The following C6orf132 variants were observed in gnomAD, a reference collection of about 807,000 sequenced individuals.
The protein encoded by C6orf132 is uncharacterized protein C6orf132.
A neutral mutation model predicts 65.3 loss-of-function variants in C6orf132; 43 were observed. The ratio of observed to expected loss-of-function variants is 0.66; its 90% CI spans 0.52 to 0.85. The LOEUF (loss-of-function observed/expected upper bound fraction) is 0.85. Ranked by LOEUF, C6orf132 falls within the 40% of genes least tolerant of loss-of-function variation. C6orf132 has a pLI of 0.00. For synonymous variants in C6orf132, 631 were observed against 654.1 expected (o/e 0.96, Z 0.54); for missense variants, 1,488 against 1,548.8 (o/e 0.96, Z 0.66).
intron 1 of C6orf132, among the ~76,000 whole-genome samples, chr6:42,138,079 C>A (rs910260390): frequency 5.3e-5 from 8 of 152,204 alleles, no homozygotes; most frequent in Non-Finnish European, 4.4e-5. Context: ...AGAGCCCAGA[C>A]CCTAGCCCAG....
intron 2 of C6orf132, among the ~76,000 whole-genome samples, chr6:42,117,923 C>CAAAAAAAAAAAAAAAAA (rs556142891): frequency 1.8e-4 from 11 of 62,348 alleles, no homozygotes; most frequent in East Asian, 7.5e-4. Flanking sequence ...AACCCTGTCA[C>CAAAAAAAAAAAAAAAAA]AAAAAAAAAA....
Position 42,107,279 on chromosome 6 carries a change from AG to A in C6orf132, c.632del (p.Pro211LeufsTer14). 3 of 244,102 alleles carry A rather than the reference AG, an allele frequency of 1.2e-5. No homozygotes were observed. The highest frequency in any genetic ancestry group is 1.8e-5 in the Non-Finnish European group (3 of 162,536). The allele number at this position is 244,102 out of a possible 1,614,324, so 15.1% of individuals were successfully genotyped here. On this transcript the variant is annotated frameshift_variant, in exon 4 of 5. Coordinates refer to ENST00000341865, the MANE Select transcript of C6orf132 (RefSeq NM_001164446.3). LOFTEE classifies it high-confidence loss of function. Reference sequence around the variant, plus strand: ...GTGGGGCAGGGGGAATGAAGTCAGGAGGGGTGGGTATGGATGGGGAGGAAAG... The same window carrying A: ...GTGGGGCAGGGGGAATGAAGTCAGGAGGGTGGGTATGGATGGGGAGGAAAG... ...HTLSSPSIPT[P>X]PDFIPPAPPL... is the part of the protein sequence containing the mutation.
In C6orf132 at chr6:42,128,691, A is replaced by T. The variant is rs1239349916; in HGVS notation, c.233T>A (p.Leu78Gln). Residue 78 changes from leucine (L) to glutamine (Q), a missense_variant, in exon 2 of 5, where the codon CTG becomes CAG. Physicochemically the swap from Leu to Gln is moderately radical, Grantham distance 113. Coordinates refer to ENST00000341865, the MANE Select transcript of C6orf132 (RefSeq NM_001164446.3). ...TLKARPRVRPLLTFLPLNAQE... is the reference protein window; with the variant it reads ...TLKARPRVRPQLTFLPLNAQE... The stretch of plus-strand genomic sequence containing the variant: ...ACTCACCAGCGGAAGGAAGGTCAGC[A>T]GGGGCCGGACTCTTGGCCGAGCTTT... 1.3e-6 allele frequency: 2 copies of T among 1,551,402 alleles called. No homozygotes were observed.
intron 2 of C6orf132, among the ~76,000 whole-genome samples, chr6:42,125,511 C>T (rs973415613): frequency 6.6e-6 from 1 of 152,202 alleles, no homozygotes; most frequent in Non-Finnish European, 1.5e-5. Flanking sequence ...CCCGGTTAGC[C>T]AGCACCGAGG....
At chr6:42,134,774 CAAAA>C (rs34668328) in intron 1 of C6orf132, among the ~76,000 whole-genome samples, 1 of 83,602 alleles carries the variant, frequency 1.2e-5, no homozygotes, top group Non-Finnish European at 2.4e-5. Context: ...AACTCCATCT[CAAAA>C]AAAAAAAAAA....
Position 42,106,934 on chromosome 6 carries a change from C to G in C6orf132, c.978G>C (p.Lys326Asn), listed in dbSNP as rs1440314452. The change falls in exon 4 of 5, where the codon AAG becomes AAC. Residue 326 changes from lysine to asparagine, a missense_variant. Physicochemically the swap from Lys to Asn is moderately conservative, Grantham distance 94. Coordinates refer to ENST00000341865, the MANE Select transcript of C6orf132 (RefSeq NM_001164446.3). ...PVQEAQEAPR[K>N]EEGATKKAPS... ...GAGCCTTCTTGGTGGCCCCCTCTTC[C>G]TTTCGGGGAGCCTCTTGTGCTTCCT... The G allele has an allele frequency of 6.5e-7, 1 of 1,536,264 alleles. No individual in the cohort carries two copies. The highest frequency in any genetic ancestry group is 2.5e-5 in the East Asian group (1 of 40,806).
intron 3 of C6orf132, among the ~76,000 whole-genome samples, chr6:42,108,905 G>T (rs956385085): frequency 2.0e-5 from 3 of 152,136 alleles, no homozygotes; most frequent in African/African-American, 4.8e-5. Flanking sequence ...ACCAAGAGTG[G>T]GGAAGGGGAA....
At chr6:42,125,757 C>G (rs1766754390) in intron 2 of C6orf132, among the ~76,000 whole-genome samples, 1 of 152,252 alleles carries the variant, frequency 6.6e-6, no homozygotes, top group Non-Finnish European at 1.5e-5. Flanking sequence ...CAGCCCAGCC[C>G]ACTCCAGGGG....
chr6:42,107,540 A>G lies in C6orf132; in HGVS notation c.372T>C (p.Ser124=). The G allele has an allele frequency of 6.4e-7, 1 of 1,550,832 alleles. No homozygotes were observed. Among genetic ancestry groups the G allele is most frequent in the Non-Finnish European group, 8.7e-7 (1 of 1,146,744 alleles). The change falls in exon 4 of 5, where the codon TCT becomes TCC. Residue 124 remains serine, a synonymous_variant. Transcript: ENST00000341865. ...ATTGTCCAGGCCTCAGGTCACCCAC[A>G]GAGCTGTACAGTCGGAGGTTGCCAT... ...LVNGNLRLYS[S]VGDLRPGQYG...
chr6:42,125,780 TG>T (rs1261863025), intron 2 of C6orf132, among the ~76,000 whole-genome samples: 1 of 148,640 alleles, frequency 6.7e-6, no homozygotes, highest in Non-Finnish European at 1.5e-5. Flanking sequence ...CCAGAGCCTT[TG>T]GCCAGGTCTG....
chr6:42,138,803 A>T (rs1766990478), intron 1 of C6orf132, among the ~76,000 whole-genome samples: 1 of 151,024 alleles, frequency 6.6e-6, no homozygotes, highest in Non-Finnish European at 1.5e-5. Flanking sequence ...CCAGTCCTTT[A>T]TCTTGGGATT....
chr6:42,104,529 C>A lies in C6orf132; in HGVS notation c.3383G>T (p.Gly1128Val). ...CGCTTTGTGCTTGGCCTCCGCGGCG[C>A]CCCGGGCGGCGCCCTCCAGGGACAG... ...PRLSLEGAAR[G>V]AAEAKHKAPG... Residue 1128 changes from glycine (G) to valine (V), a missense_variant, in exon 4 of 5, where the codon GGC becomes GTC. Transcript: ENST00000341865. The surrounding 1 kb of genome is among the most constrained non-coding windows in gnomAD (Gnocchi z 4.1). 1.6e-6 allele frequency: 2 copies of A among 1,234,768 alleles called. No individual in the cohort carries two copies. Among genetic ancestry groups the A allele is most frequent in the Non-Finnish European group, 2.0e-6 (2 of 990,170 alleles). The allele number at this position is 1,234,768 out of a possible 1,614,324, so 76.5% of individuals were successfully genotyped here.
chr6:42,142,587 CAGGTG>C lies in C6orf132; in HGVS notation c.-148_-144del. 1 of 669,428 alleles carries C rather than the reference CAGGTG, an allele frequency of 1.5e-6. No individual in the cohort carries two copies. Among genetic ancestry groups the C allele is most frequent in the East Asian group, 4.2e-5 (1 of 23,822 alleles). 41.5% of individuals were successfully genotyped at this position (669,428 alleles called of 1,614,324 possible). ...TCCTCCCCGCCCGCGCACCGGGCAA[CAGGTG>C]CTGCGGGCGCCGCCGCTTGCCGGGA... On this transcript the variant is annotated 5_prime_UTR_variant, in exon 1 of 5. Transcript: ENST00000341865.
Position 42,122,320 on chromosome 6 carries a change from G to A in C6orf132, c.252+6352C>T, listed in dbSNP as rs530759395. ...GACATGCCCTCAGAGGGCGCACCAC[G>A]TCCCTGGAGACCCTGCCTAAATGGC... On this transcript the variant is annotated intron_variant, in intron 2 of 4. Coordinates refer to ENST00000341865, the MANE Select transcript of C6orf132 (RefSeq NM_001164446.3). Among the ~76,000 whole-genome samples, 10 of 152,304 alleles carry A rather than the reference G, an allele frequency of 6.6e-5. No homozygotes were observed. In the East Asian group the frequency reaches 7.7e-4, roughly 12 times the overall value.
At chr6:42,110,190 A>G (rs772081922) in intron 3 of C6orf132, 26 bp downstream of exon 3, 4 of 1,534,910 alleles carry the variant, frequency 2.6e-6, no homozygotes, top group Non-Finnish European at 3.5e-6. Context: ...AAAGATGGAC[A>G]AGCCCCAAGC....
chr6:42,115,475 C>T (rs1372304307), intron 2 of C6orf132, among the ~76,000 whole-genome samples: 1 of 149,926 alleles, frequency 6.7e-6, no homozygotes, highest in East Asian at 2.0e-4. Context: ...CGAAACCCCG[C>T]CTCTACTAAA....
At chr6:42,116,482 CA>C (rs1766581953) in intron 2 of C6orf132, among the ~76,000 whole-genome samples, 1 of 152,132 alleles carries the variant, frequency 6.6e-6, no homozygotes. Flanking sequence ...AGCCCTTCCT[CA>C]GTCCTCACCA....
chr6:42,113,504 C>G (rs1015748583), intron 2 of C6orf132, among the ~76,000 whole-genome samples: 7 of 152,202 alleles, frequency 4.6e-5, no homozygotes, highest in Non-Finnish European at 8.8e-5. Context: ...ATCACTGAGA[C>G]CCATTTTCTT....
rs921984969 is a variant in C6orf132, at chr6:42,104,618, G to T, written c.3294C>A (p.Gly1098=). 1 of 1,370,854 alleles carries T rather than the reference G, an allele frequency of 7.3e-7. No homozygotes were observed. The highest frequency in any genetic ancestry group is 9.4e-7 in the Non-Finnish European group (1 of 1,067,830). The allele number at this position is 1,370,854 out of a possible 1,614,324, so 84.9% of individuals were successfully genotyped here. The change falls in exon 4 of 5, where the codon GGC becomes GGA. Residue 1098 remains glycine, a synonymous_variant. Transcript: ENST00000341865. This position sits in a 1 kb window ranked among gnomAD's most constrained non-coding sequence, Gnocchi z 4.1. The part of the protein sequence containing the change: ...SPNCFGPQPG[G]PEMRRVNSAG... ...CCGAGTTCACGCGCCGCATCTCGGG[G>T]CCTCCGGGCTGCGGCCCGAAGCAGT...
Sources: gnomAD v4.1 joint callset for allele counts (sites outside exome capture counted in the v4.1 genomes callset) on GRCh38, gnomAD v4.1.1 for gene constraint, Gnocchi (gnomAD v3.1) non-coding constraint, MANE v1.5 for transcripts, NCBI Gene and HGNC (gene_info 2026-07-23, HGNC 2026-07-21) for gene names.